The following USP20 variants were observed in gnomAD, a reference collection of about 807,000 sequenced individuals.
USP20 encodes ubiquitin specific peptidase 20, also known as ubiquitin carboxyl-terminal hydrolase 20.
A neutral mutation model predicts 124.2 loss-of-function variants in USP20; 80 were observed. That is an observed-to-expected ratio of 0.64 (90% CI 0.54 to 0.78). The LOEUF (loss-of-function observed/expected upper bound fraction) is 0.78, where lower values mean the gene tolerates loss of function less well. Ranked by LOEUF, USP20 falls within the 30% of genes least tolerant of loss-of-function variation. USP20 has a pLI of 0.00. For synonymous variants in USP20, 481 were observed against 512.3 expected, an observed-to-expected ratio of 0.94 and a Z score of 0.83; for missense variants, 1,043 against 1,244.4, an observed-to-expected ratio of 0.84 and a Z score of 2.44.
rs79560826 is a variant in USP20, at chr9:129,876,242, C to T, written c.2409+4C>T. Reference sequence around the variant, plus strand: ...CGAGATCGACACCTTCATCAAGGTGCGTGCGGCGAGGCGGCGCGGGGGCGG... The same window carrying T: ...CGAGATCGACACCTTCATCAAGGTGTGTGCGGCGAGGCGGCGCGGGGGCGG... On this transcript the variant is annotated splice_donor_region_variant and intron_variant, in intron 22 of 25. Coordinates refer to ENST00000372429, the MANE Select transcript of USP20 (RefSeq NM_001110303.4). 1.8e-5 allele frequency: 29 copies of T among 1,608,272 alleles called. No homozygotes were observed. The highest frequency in any genetic ancestry group is 5.3e-5 in the African/African-American group (4 of 74,784).
At chr9:129,871,076 G>C (rs2034100890) in intron 15 of USP20, among the ~76,000 whole-genome samples, 1 of 152,190 alleles carries the variant, frequency 6.6e-6, no homozygotes, top group Non-Finnish European at 1.5e-5. Context: ...CAGTCGAGTA[G>C]TGTTAAATAC....
Position 129,879,371 on chromosome 9 carries a change from A to C in USP20, c.2513-202A>C. 1.7e-6 allele frequency: 1 copy of C among 589,572 alleles called. No individual in the cohort carries two copies. The highest frequency in any genetic ancestry group is 3.0e-6 in the Non-Finnish European group (1 of 330,526). 36.5% of individuals were successfully genotyped at this position (589,572 alleles called of 1,614,324 possible). A position where few individuals can be genotyped will look rare whatever the true frequency, so the allele number is the denominator to read the frequency against. On this transcript the variant is annotated intron_variant, in intron 23 of 25. Coordinates refer to ENST00000372429, the MANE Select transcript of USP20 (RefSeq NM_001110303.4). This position sits in a 1 kb window ranked among gnomAD's most constrained non-coding sequence, Gnocchi z 4.2. ...TCCTGCGGCCAGCACAGAGTCTGAG[A>C]CCATCTCGTGTGTCCTGGAAATTCC...
In USP20 at chr9:129,848,481, A is replaced by ATT. The variant is rs542295209; in HGVS notation, c.-128-1332_-128-1331insTT. On this transcript the variant is annotated intron_variant, in intron 1 of 25. Transcript: ENST00000372429. ...AGAATGTAAGTCCAATTGCACTTGC[A>ATT]AATCAAGAGTGAGTCTGTTAAATTA... 8.7e-4 allele frequency among the ~76,000 whole-genome samples: 131 copies of ATT among 151,240 alleles called. 2 individuals carry two copies. The highest frequency in any genetic ancestry group is 5.0e-3 in the South Asian group (24 of 4,792).
At chr9:129,853,754 T>C (rs1406888114) in intron 3 of USP20, among the ~76,000 whole-genome samples, 2 of 152,132 alleles carry the variant, frequency 1.3e-5, no homozygotes, top group Non-Finnish European at 2.9e-5. Context: ...GTGCTGGGTT[T>C]CTCTCCACTT....
At chr9:129,878,513 G>T in intron 23 of USP20, 73 bp downstream of exon 23, 1 of 1,373,422 alleles carries the variant, frequency 7.3e-7, no homozygotes, top group Non-Finnish European at 9.9e-7. Context: ...GCAGGGGAGG[G>T]CTGGCACACA....
intron 1 of USP20, chr9:129,835,910 G>T (rs1392587504): frequency 6.6e-6 from 1 of 152,238 alleles, no homozygotes; most frequent in Non-Finnish European, 1.5e-5. Context: ...TCTCTGCGGT[G>T]CTGACTTAGA....
At chr9:129,876,571 G>A (rs147810764) in intron 22 of USP20, among the ~76,000 whole-genome samples, 5 of 151,666 alleles carry the variant, frequency 3.3e-5, no homozygotes, top group African/African-American at 9.7e-5. Context: ...CCTGGGAGGC[G>A]GAGGTTTCAG....
chr9:129,874,749 G>C lies in USP20; in HGVS notation c.1914G>C (p.Thr638=). The C allele has an allele frequency of 6.2e-7, 1 of 1,613,820 alleles. No homozygotes were observed. Among genetic ancestry groups the C allele is most frequent in the Non-Finnish European group, 8.5e-7 (1 of 1,179,998 alleles). Residue 638 remains threonine, a synonymous_variant, in exon 18 of 26, where the codon ACG becomes ACC. Transcript: ENST00000372429. ...DLLSVICHHG[T]AGSGHYIAYC... is the part of the protein sequence containing the mutation. The stretch of plus-strand genomic sequence containing the variant: ...TCTCGGTCATCTGCCACCACGGCAC[G>C]GCAGGCAGTGAGTCATGTCCCCTCC...
At chr9:129,861,325 G>A (rs978475773) in intron 7 of USP20, among the ~76,000 whole-genome samples, 2 of 152,198 alleles carry the variant, frequency 1.3e-5, no homozygotes, top group African/African-American at 4.8e-5. Flanking sequence ...AGGGGCAAAG[G>A]AGTTCATCTG....
intron 1 of USP20, among the ~76,000 whole-genome samples, chr9:129,846,243 A>ATTTTTTTT (rs1270846866): frequency 1.4e-4 from 5 of 36,016 alleles, no homozygotes; most frequent in Non-Finnish European, 2.8e-4. Context: ...ATATATATAT[A>ATTTTTTTT]TATATTTTTT....
chr9:129,857,656 G>T (rs1018398732), intron 4 of USP20, among the ~76,000 whole-genome samples: 17 of 152,300 alleles, frequency 1.1e-4, no homozygotes, highest in African/African-American at 3.6e-4. Flanking sequence ...ATTAGAAAAT[G>T]GCTGTGAGGC....
chr9:129,846,444 G>C (rs887314028), intron 1 of USP20, among the ~76,000 whole-genome samples: 4 of 150,418 alleles, frequency 2.7e-5, no homozygotes, highest in Admixed American at 1.3e-4. Flanking sequence ...TTTTTGTAGA[G>C]ATGGGGTTTC....
intron 14 of USP20, 169 bp downstream of exon 14, chr9:129,870,013 T>C: frequency 1.3e-6 from 1 of 768,596 alleles, no homozygotes; most frequent in Non-Finnish European, 2.1e-6. Flanking sequence ...AGGGGATTTC[T>C]TGGCTACTTT....
At chr9:129,878,742 G>T (rs934549292) in intron 23 of USP20, among the ~76,000 whole-genome samples, 2 of 152,172 alleles carry the variant, frequency 1.3e-5, no homozygotes, top group Admixed American at 1.3e-4. Context: ...TGTGTCGCCC[G>T]AAATGACAGA....
chr9:129,869,241 G>T, intron 12 of USP20, 69 bp from the exon 13 acceptor site: 1 of 1,496,444 alleles, frequency 6.7e-7, no homozygotes. Context: ...GTCAAAGGAA[G>T]CCGCAGGGCC....
intron 12 of USP20, 35 bp downstream of exon 12, chr9:129,869,037 G>C (rs1455682529): frequency 3.2e-6 from 5 of 1,579,782 alleles, no homozygotes; most frequent in Non-Finnish European, 4.3e-6. Context: ...TCAGCTTGAG[G>C]CTGGGAGTAC....
At chr9:129,836,433 G>T (rs2031842690) in intron 1 of USP20, among the ~76,000 whole-genome samples, 1 of 152,200 alleles carries the variant, frequency 6.6e-6, no homozygotes, top group Non-Finnish European at 1.5e-5. Flanking sequence ...ACCCAGCTAG[G>T]AGGTGGAACA....
intron 1 of USP20, among the ~76,000 whole-genome samples, chr9:129,847,834 A>G (rs999888941): frequency 6.6e-6 from 1 of 151,184 alleles, no homozygotes; most frequent in Non-Finnish European, 1.5e-5. Context: ...TATCATCATC[A>G]GTTTTGTCTG....
chr9:129,855,505 C>T (rs979030629), intron 3 of USP20, among the ~76,000 whole-genome samples: 2 of 152,022 alleles, frequency 1.3e-5, no homozygotes, highest in Non-Finnish European at 1.5e-5. Context: ...TAGGGTAGCT[C>T]TGCCATTCTC....
Sources: allele counts gnomAD v4.1 joint callset (sites outside exome capture counted in the v4.1 genomes callset), GRCh38; gene constraint gnomAD v4.1.1; non-coding constraint Gnocchi (gnomAD v3.1); transcripts MANE v1.5; gene names NCBI Gene and HGNC (gene_info 2026-07-23, HGNC 2026-07-21).